The following ARMC2 variants were observed in gnomAD, a reference collection of about 807,000 sequenced individuals.
ARMC2 encodes armadillo repeat containing 2.
In ARMC2, 67 loss-of-function variants were observed where a neutral mutation model predicts 90.3. That is an observed-to-expected ratio of 0.74 (90% confidence interval 0.61 to 0.91). The LOEUF is 0.91. ARMC2 is among the 40% of genes least tolerant of loss of function. ARMC2 has a pLI of 0.00. For missense variants in ARMC2, 920 were observed against 1,030.9 expected (o/e 0.89, Z 1.47); for synonymous variants, 393 against 393.0 (o/e 1.00, Z 0.00).
intron 16 of ARMC2, among the ~76,000 whole-genome samples, chr6:108,964,577 C>A (rs1778226882): frequency 6.6e-6 from 1 of 152,158 alleles, no homozygotes; most frequent in South Asian, 2.1e-4. Context: ...AGTTCGAGAG[C>A]AGCCTGGCCA....
the ARMC2 span, chr6:108,993,065 A>G: frequency 1.8e-6 from 1 of 556,564 alleles, no homozygotes; most frequent in Non-Finnish European, 3.1e-6. Flanking sequence ...TAGTAAACAG[A>G]ATGTAGTAAA....
intron 10 of ARMC2, among the ~76,000 whole-genome samples, chr6:108,927,470 TAAC>T (rs1353608562): frequency 6.6e-6 from 1 of 152,176 alleles, no homozygotes; most frequent in Non-Finnish European, 1.5e-5. Flanking sequence ...AATTATTAGA[TAAC>T]AACATTAGTT....
chr6:108,899,110 A>G lies in ARMC2; in HGVS notation c.749-584A>G, dbSNP rs142150053. ...ATGAGGAAACAGAGACTCAGGAAGG[A>G]TAAGAAACTGGACCCCATCACTCAC... On this transcript the variant is annotated intron_variant, in intron 6 of 17. Transcript: ENST00000392644. Among the ~76,000 whole-genome samples, 79 of 152,308 alleles carry G rather than the reference A, an allele frequency of 5.2e-4. 1 individual carries two copies. In the East Asian group the frequency reaches 0.012, roughly 24 times the overall value.
the ARMC2 span, among the ~76,000 whole-genome samples, chr6:109,032,164 C>G: frequency 6.6e-6 from 1 of 151,878 alleles, no homozygotes; most frequent in Non-Finnish European, 1.5e-5. Flanking sequence ...CCCAGCTATT[C>G]GGGAGGTTGA....
At chr6:108,990,549 G>T in the ARMC2 span, 1 of 1,096,092 alleles carries the variant, frequency 9.1e-7, no homozygotes, top group Non-Finnish European at 1.4e-6. Context: ...GATGGGTTTT[G>T]ATTATGTGTG....
At chr6:108,855,447 T>C (rs1774470445) in intron 2 of ARMC2, among the ~76,000 whole-genome samples, 1 of 152,076 alleles carries the variant, frequency 6.6e-6, no homozygotes, top group African/African-American at 2.4e-5. Context: ...GAGACGGGGT[T>C]TCACCATGTT....
intron 11 of ARMC2, among the ~76,000 whole-genome samples, chr6:108,929,826 G>A (rs1010434499): frequency 6.6e-6 from 1 of 152,002 alleles, no homozygotes; most frequent in African/African-American, 2.4e-5. Context: ...CCAAACTCTT[G>A]GTCAGGCACA....
chr6:108,897,477 A>T (rs1442109919), intron 6 of ARMC2, among the ~76,000 whole-genome samples: 3 of 152,094 alleles, frequency 2.0e-5, no homozygotes, highest in Non-Finnish European at 4.4e-5. Context: ...TGCACTGCAA[A>T]TGTTTAATAA....
chr6:108,916,618 T>C (rs1004095629), intron 10 of ARMC2, among the ~76,000 whole-genome samples: 12 of 152,112 alleles, frequency 7.9e-5, no homozygotes, highest in African/African-American at 2.7e-4. Flanking sequence ...AACAGAAATA[T>C]AGGCCAACTA....
In ARMC2 at chr6:108,915,483, C is replaced by A. The variant is rs139214287; in HGVS notation, c.1350+2925C>A. Among the ~76,000 whole-genome samples, 1,065 of 152,156 alleles carry A rather than the reference C, an allele frequency of 7.0e-3. 3 individuals carry two copies. The highest frequency in any genetic ancestry group is 0.012 in the Non-Finnish European group (787 of 68,022). On this transcript the variant is annotated intron_variant, in intron 10 of 17. Coordinates refer to ENST00000392644, the MANE Select transcript of ARMC2 (RefSeq NM_032131.6). Reference sequence around the variant, plus strand: ...CTGGGGACCTCATATTACAGAACTTCGCTTGCTTTAACATCTGGCACAGCG... The same window carrying A: ...CTGGGGACCTCATATTACAGAACTTAGCTTGCTTTAACATCTGGCACAGCG...
At chr6:108,894,915 C>T (rs1369504709) in intron 6 of ARMC2, among the ~76,000 whole-genome samples, 9 of 150,770 alleles carry the variant, frequency 6.0e-5, no homozygotes, top group African/African-American at 1.7e-4. Flanking sequence ...TACAGGCGCC[C>T]GCCACCACGC....
the ARMC2 span, among the ~76,000 whole-genome samples, chr6:109,030,749 A>G: frequency 6.6e-6 from 1 of 152,360 alleles, no homozygotes; most frequent in Non-Finnish European, 1.5e-5. Context: ...ATAGGATTTT[A>G]TGGTCTACAA....
Position 108,875,766 on chromosome 6 carries a change from G to A in ARMC2, c.464-377G>A, listed in dbSNP as rs377212438. 3.9e-5 allele frequency among the ~76,000 whole-genome samples: 6 copies of A among 152,282 alleles called. 1 individual carries two copies. The South Asian group carries it at 1.0e-3, about 26-fold the overall frequency. Reference sequence around the variant, plus strand: ...CTAGGACAGTGTTTGACATGGGGGAGCCACTCAGTAAATATTTTTTGAATG... The same window carrying A: ...CTAGGACAGTGTTTGACATGGGGGAACCACTCAGTAAATATTTTTTGAATG... On this transcript the variant is annotated intron_variant, in intron 4 of 17. Coordinates refer to ENST00000392644, the MANE Select transcript of ARMC2 (RefSeq NM_032131.6).
chr6:108,958,228 C>A (rs1777730924), intron 13 of ARMC2, among the ~76,000 whole-genome samples: 1 of 152,104 alleles, frequency 6.6e-6, no homozygotes, highest in Non-Finnish European at 1.5e-5. Flanking sequence ...TCTTGGACTT[C>A]CAGCCTCCGT....
chr6:108,867,535 G>A (rs1273635408), intron 3 of ARMC2, among the ~76,000 whole-genome samples: 1 of 152,162 alleles, frequency 6.6e-6, no homozygotes, highest in Non-Finnish European at 1.5e-5. Context: ...GGGAGGCCAA[G>A]GCAGGTGGCT....
At chr6:108,892,058 T>C (rs1423938466) in intron 5 of ARMC2, among the ~76,000 whole-genome samples, 2 of 152,208 alleles carry the variant, frequency 1.3e-5, no homozygotes, top group Non-Finnish European at 2.9e-5. Flanking sequence ...TGACCATGAC[T>C]TGAGGGAGAG....
chr6:109,016,184 T>G, the ARMC2 span, among the ~76,000 whole-genome samples: 1 of 152,230 alleles, frequency 6.6e-6, no homozygotes, highest in Non-Finnish European at 1.5e-5. Context: ...TTTAAATGCT[T>G]TGTTTATACT....
chr6:109,013,463 T>C, the ARMC2 span, among the ~76,000 whole-genome samples: 3 of 152,196 alleles, frequency 2.0e-5, no homozygotes, highest in African/African-American at 7.2e-5. Flanking sequence ...AAATCTCAGA[T>C]TATCTGCTCT....
In ARMC2 at chr6:108,899,799, CACAA is replaced by C. The variant is rs758520438; in HGVS notation, c.847+21_847+24del. 57 of 1,585,838 alleles carry C rather than the reference CACAA, an allele frequency of 3.6e-5. No individual in the cohort carries two copies. The highest frequency in any genetic ancestry group is 1.5e-4 in the African/African-American group (11 of 72,700). On this transcript the variant is annotated splice_region_variant and intron_variant, in intron 7 of 17. Transcript: ENST00000392644. The stretch of plus-strand genomic sequence containing the variant: ...TTGCGTGAATTAGAAAAGGGTAAAA[CACAA>C]ACAAACAAACAAAAAACCGTTTTTG...
Sources: allele counts gnomAD v4.1 joint callset (sites outside exome capture counted in the v4.1 genomes callset), GRCh38; gene constraint gnomAD v4.1.1; transcripts MANE v1.5; gene names NCBI Gene and HGNC (gene_info 2026-07-23, HGNC 2026-07-21).